Variants in INPP4B observed in about 807,000 individuals in gnomAD.
The protein encoded by INPP4B is inositol polyphosphate 4-phosphatase type II.
INPP4B carries 55 observed loss-of-function variants against 122.5 expected under a neutral mutation model. The observed-to-expected ratio is 0.45, with a 90% CI of 0.36 to 0.56. INPP4B has a LOEUF of 0.56. Ranked by LOEUF, INPP4B falls within the 20% of genes least tolerant of loss-of-function variation. INPP4B has a pLI of 0.00. For missense variants in INPP4B, 1,000 were observed against 1,097.7 expected, an observed-to-expected ratio of 0.91 and a Z score of 1.26; for synonymous variants, 403 against 388.7, an observed-to-expected ratio of 1.04 and a Z score of -0.43.
intron 14 of INPP4B, among the ~76,000 whole-genome samples, chr4:142,206,888 A>G (rs547081997): frequency 3.2e-4 from 49 of 152,278 alleles, no homozygotes; most frequent in Non-Finnish European, 6.6e-4. Context: ...TACACTGTAC[A>G]GTAGCTCTCT....
chr4:142,750,999 T>A (rs953465990), intron 1 of INPP4B, among the ~76,000 whole-genome samples: 4 of 152,012 alleles, frequency 2.6e-5, no homozygotes, highest in Non-Finnish European at 4.4e-5. Context: ...TCATACAGTA[T>A]GCAAAAGAAC....
rs1553997305 is a variant in INPP4B, at chr4:142,720,733, T to TATATATATGTATATATACATATATATGA, written c.-191+5105_-191+5106insTCATATATATGTATATATACATATATAT. On this transcript the variant is annotated intron_variant, in intron 2 of 25. Coordinates refer to ENST00000262992, the MANE Select transcript of INPP4B (RefSeq NM_001101669.3). ...AACTGTATATGTGTATATATATACA[T>TATATATATGTATATATACATATATATGA]ATATATATATATATACATATATATA... Among the ~76,000 whole-genome samples the TATATATATGTATATATACATATATATGA allele has an allele frequency of 1.2e-3, 65 of 55,456 alleles. 7 individuals carry two copies. In the Admixed American group the frequency reaches 0.012, roughly 11 times the overall value. The allele number at this position is 55,456 out of a possible 152,430, so 36.4% of individuals were successfully genotyped here.
chr4:142,412,789 T>C (rs956943986), intron 5 of INPP4B, among the ~76,000 whole-genome samples: 26 of 152,174 alleles, frequency 1.7e-4, no homozygotes, highest in African/African-American at 6.0e-4. Flanking sequence ...CTTTTTATAA[T>C]TTTCCTTTGA....
At chr4:142,580,346 T>A (rs1420248873) in intron 2 of INPP4B, among the ~76,000 whole-genome samples, 1 of 152,028 alleles carries the variant, frequency 6.6e-6, no homozygotes, top group Non-Finnish European at 1.5e-5. Flanking sequence ...TGTCACATTG[T>A]GCTCAGCAAA....
chr4:142,679,402 A>G, intron 2 of INPP4B, among the ~76,000 whole-genome samples: 1 of 151,874 alleles, frequency 6.6e-6, no homozygotes, highest in East Asian at 1.9e-4. Context: ...TTGCATGGGT[A>G]TTTACCTATT....
At chr4:142,213,297 C>A (rs999794106) in intron 12 of INPP4B, among the ~76,000 whole-genome samples, 1 of 152,124 alleles carries the variant, frequency 6.6e-6, no homozygotes, top group African/African-American at 2.4e-5. Flanking sequence ...TATCGTACCC[C>A]GGAGGAATGG....
At chr4:142,783,601 G>A (rs911250542) in intron 1 of INPP4B, among the ~76,000 whole-genome samples, 2 of 151,918 alleles carry the variant, frequency 1.3e-5, no homozygotes, top group African/African-American at 4.8e-5. Context: ...TATCCCTTGT[G>A]GAAGATTAAT....
chr4:142,501,803 A>C (rs574738814), intron 2 of INPP4B, among the ~76,000 whole-genome samples: 1 of 152,264 alleles, frequency 6.6e-6, no homozygotes, highest in Non-Finnish European at 1.5e-5. Context: ...TTGGAAAACA[A>C]AGAAAATACT....
At chr4:142,190,175 T>C (rs113410761) in intron 15 of INPP4B, among the ~76,000 whole-genome samples, 14 of 149,384 alleles carry the variant, frequency 9.4e-5, no homozygotes, top group African/African-American at 2.9e-4. Context: ...CTTGGCTATC[T>C]GGGTTTTTTA....
chr4:142,463,023 C>T (rs1347745483), intron 2 of INPP4B, among the ~76,000 whole-genome samples: 3 of 152,174 alleles, frequency 2.0e-5, no homozygotes, highest in African/African-American at 7.2e-5. Context: ...CATGGATTAA[C>T]TCATTTATTC....
At chr4:142,476,590 C>A (rs1274592336) in intron 2 of INPP4B, among the ~76,000 whole-genome samples, 1 of 152,024 alleles carries the variant, frequency 6.6e-6, no homozygotes, top group East Asian at 1.9e-4. Flanking sequence ...GCAGTGACAC[C>A]CATAAGCTCA....
chr4:142,069,236 G>A (rs1006052552), intron 25 of INPP4B, among the ~76,000 whole-genome samples: 1 of 152,004 alleles, frequency 6.6e-6, no homozygotes, highest in African/African-American at 2.4e-5. Context: ...ATGACTACTG[G>A]GTACATAACA....
chr4:142,133,905 ACTGCAAT>A (rs763434481), intron 18 of INPP4B, among the ~76,000 whole-genome samples: 3 of 152,100 alleles, frequency 2.0e-5, no homozygotes, highest in African/African-American at 4.8e-5. Context: ...ACTCCACTAA[ACTGCAAT>A]CTCTACCCTA....
intron 23 of INPP4B, among the ~76,000 whole-genome samples, chr4:142,107,190 G>A (rs1026345001): frequency 2.0e-5 from 3 of 152,024 alleles, no homozygotes; most frequent in African/African-American, 7.2e-5. Context: ...GCACGCATAT[G>A]CCACTGCAAT....
intron 1 of INPP4B, among the ~76,000 whole-genome samples, chr4:142,727,264 A>G (rs1236684943): frequency 6.6e-6 from 1 of 152,270 alleles, no homozygotes; most frequent in Admixed American, 6.5e-5. Context: ...TTTAGCTTGA[A>G]GAAGGCCTTC....
intron 18 of INPP4B, among the ~76,000 whole-genome samples, chr4:142,134,556 G>A (rs1803004356): frequency 6.6e-6 from 1 of 151,862 alleles, no homozygotes; most frequent in Non-Finnish European, 1.5e-5. Flanking sequence ...CTCTAGTTGG[G>A]AGGCCAAGGC....
chr4:142,435,706 A>T (rs1447949115), intron 3 of INPP4B, among the ~76,000 whole-genome samples: 2 of 152,192 alleles, frequency 1.3e-5, no homozygotes, highest in Non-Finnish European at 2.9e-5. Flanking sequence ...TACCCAGACA[A>T]GGGAGGCAGG....
At chr4:142,363,495 C>T (rs1429618340) in intron 7 of INPP4B, among the ~76,000 whole-genome samples, 1 of 151,854 alleles carries the variant, frequency 6.6e-6, no homozygotes, top group East Asian at 1.9e-4. Context: ...ACTTCTCTTA[C>T]CACTTGTGTT....
intron 1 of INPP4B, among the ~76,000 whole-genome samples, chr4:142,780,202 A>G (rs927844406): frequency 6.6e-6 from 1 of 152,172 alleles, no homozygotes; most frequent in Admixed American, 6.5e-5. Context: ...ATTAATGTCA[A>G]TTCCATAAAG....
Sources: allele counts gnomAD v4.1 joint callset (sites outside exome capture counted in the v4.1 genomes callset), GRCh38; gene constraint gnomAD v4.1.1; transcripts MANE v1.5; gene names NCBI Gene and HGNC (gene_info 2026-07-23, HGNC 2026-07-21).